The following NFATC2 variants were observed in gnomAD, a reference collection of about 807,000 sequenced individuals.
The protein encoded by NFATC2 is nuclear factor of activated T cells 2.
NFATC2 carries 22 observed loss-of-function variants against 87.3 expected under a neutral mutation model. The ratio of observed to expected loss-of-function variants is 0.25; its 90% CI spans 0.18 to 0.36. The LOEUF (loss-of-function observed/expected upper bound fraction) is 0.36. NFATC2 is among the 10% of genes least tolerant of loss of function. The pLI, the probability that NFATC2 is intolerant of heterozygous loss-of-function variation, is 1.00. For synonymous variants in NFATC2, 565 were observed against 542.2 expected, an observed-to-expected ratio of 1.04 and a Z score of -0.58; for missense variants, 1,149 against 1,259.1, an observed-to-expected ratio of 0.91 and a Z score of 1.32.
intron 3 of NFATC2, among the ~76,000 whole-genome samples, chr20:51,514,377 T>C (rs1032208970): frequency 6.6e-6 from 1 of 152,244 alleles, no homozygotes; most frequent in African/African-American, 2.4e-5. Context: ...CAAGTATTTG[T>C]TGAGTGCCTG....
chr20:51,474,274 T>G (rs1482746882), intron 4 of NFATC2, 122 bp from the exon 5 acceptor site: 2 of 1,173,922 alleles, frequency 1.7e-6, no homozygotes, highest in Non-Finnish European at 2.4e-6. Context: ...ACATAAGCAT[T>G]TCAGCCAGGA....
chr20:51,519,922 A>G (rs545549309), intron 2 of NFATC2, among the ~76,000 whole-genome samples: 1 of 152,072 alleles, frequency 6.6e-6, no homozygotes, highest in East Asian at 1.9e-4. Flanking sequence ...TCTAAAAAAA[A>G]AAAAAAAAGA....
intron 1 of NFATC2, among the ~76,000 whole-genome samples, chr20:51,527,321 A>G (rs1169064510): frequency 6.6e-6 from 1 of 152,098 alleles, no homozygotes; most frequent in Non-Finnish European, 1.5e-5. Flanking sequence ...ACAGGACTAA[A>G]GCCCATTCAT....
At chr20:51,536,602 G>C (rs984041546) in intron 1 of NFATC2, among the ~76,000 whole-genome samples, 3 of 152,158 alleles carry the variant, frequency 2.0e-5, no homozygotes, top group Non-Finnish European at 4.4e-5. Flanking sequence ...CTCTACTCCT[G>C]ATCAAAATCT....
chr20:51,494,878 T>A (rs1202450477), intron 3 of NFATC2, among the ~76,000 whole-genome samples: 1 of 151,918 alleles, frequency 6.6e-6, no homozygotes, highest in Non-Finnish European at 1.5e-5. Flanking sequence ...ACTACCAAGG[T>A]GATGGTCACA....
At chr20:51,555,099 C>T (rs1031380323) in intron 1 of NFATC2, among the ~76,000 whole-genome samples, 11 of 152,184 alleles carry the variant, frequency 7.2e-5, no homozygotes, top group African/African-American at 2.7e-4. Context: ...CTGGCCCCAG[C>T]CATCTTCATC....
intron 9 of NFATC2, 64 bp from the exon 10 acceptor site, chr20:51,398,794 C>T (rs967615701): frequency 4.6e-5 from 52 of 1,123,846 alleles, no homozygotes; most frequent in Middle Eastern, 2.0e-4. Flanking sequence ...ATCTCTCTTA[C>T]GCTTCCAACT....
At chr20:51,467,701 A>G (rs993338664) in intron 5 of NFATC2, among the ~76,000 whole-genome samples, 1 of 152,352 alleles carries the variant, frequency 6.6e-6, no homozygotes, top group Admixed American at 6.5e-5. Context: ...TGACAATACC[A>G]AATATTGGTG....
At position 51,432,470 on chromosome 20, in the gene NFATC2, G is replaced by T; in HGVS notation, c.2319C>A (p.Ala773=). The change falls in exon 9 of 11, where the codon GCC becomes GCA. Residue 773 remains alanine (A), a synonymous_variant. Coordinates refer to ENST00000371564, the MANE Select transcript of NFATC2 (RefSeq NM_012340.5). The surrounding 1 kb of genome is among the most constrained non-coding windows in gnomAD (Gnocchi z 4.6). Reference sequence around the variant, plus strand: ...GGTGAGCGTCCGCAAGGGACAGCGGGGCGGCCATGAGGGCCGGCTGCTGAT... The same window carrying T: ...GGTGAGCGTCCGCAAGGGACAGCGGTGCGGCCATGAGGGCCGGCTGCTGAT... ...LGYQQPALMA[A]PLSLADAHRS... 6.4e-7 allele frequency: 1 copy of T among 1,557,350 alleles called. No homozygotes were observed. The highest frequency in any genetic ancestry group is 8.7e-7 in the Non-Finnish European group (1 of 1,151,324).
chr20:51,523,257 G>A lies in NFATC2; in HGVS notation c.984C>T (p.Asp328=), dbSNP rs764095016. The change falls in exon 2 of 11, where the codon GAC becomes GAT. Residue 328 remains aspartate, a synonymous_variant. Coordinates refer to ENST00000371564, the MANE Select transcript of NFATC2 (RefSeq NM_012340.5). The surrounding 1 kb of genome is among the most constrained non-coding windows in gnomAD (Gnocchi z 6.9). ...ATGGGGCGGCAGACACCGGCGAGGG[G>A]TCAGGGCTGGTCTTCCACATCTTGG... The part of the protein sequence containing the change: ...IPPKMWKTSP[D]PSPVSAAPSK... 1.2e-6 allele frequency: 2 copies of A among 1,613,812 alleles called. No individual in the cohort carries two copies. Among genetic ancestry groups the A allele is most frequent in the South Asian group, 2.2e-5 (2 of 91,062 alleles).
chr20:51,492,600 C>T (rs1033001640), intron 3 of NFATC2, among the ~76,000 whole-genome samples: 3 of 152,196 alleles, frequency 2.0e-5, no homozygotes, highest in East Asian at 3.9e-4. Context: ...GGGGACTGTG[C>T]GGGGCCCTCT....
At chr20:51,487,016 G>A (rs935858718) in intron 3 of NFATC2, among the ~76,000 whole-genome samples, 1 of 152,230 alleles carries the variant, frequency 6.6e-6, no homozygotes, top group Admixed American at 6.5e-5. Context: ...GAAAAGTGAG[G>A]CATGCGCAGT....
chr20:51,542,750 G>GGC (rs1555819091), upstream of NFATC2: 2 of 567,880 alleles, frequency 3.5e-6, no homozygotes, highest in South Asian at 7.8e-5. Flanking sequence ...CCGGGGAGGC[G>GGC]GGGGGGGGGG....
chr20:51,446,001 A>G (rs1365955028), intron 6 of NFATC2, among the ~76,000 whole-genome samples: 1 of 152,144 alleles, frequency 6.6e-6, no homozygotes, highest in Admixed American at 6.5e-5. Context: ...ACAGCCAGCT[A>G]CTCTGGGAAC....
At chr20:51,400,661 ATTCAAC>A (rs1987931482) in intron 9 of NFATC2, among the ~76,000 whole-genome samples, 1 of 152,128 alleles carries the variant, frequency 6.6e-6, no homozygotes. Context: ...GCCTGTCTTC[ATTCAAC>A]TGAGGCCCGA....
At chr20:51,468,155 G>A (rs1987863272) in intron 5 of NFATC2, among the ~76,000 whole-genome samples, 1 of 152,218 alleles carries the variant, frequency 6.6e-6, no homozygotes, top group Admixed American at 6.5e-5. Context: ...CTGCCTCCGT[G>A]TGTGGGCTTG....
chr20:51,516,319 G>T (rs1600922826), intron 3 of NFATC2, among the ~76,000 whole-genome samples: 1 of 152,208 alleles, frequency 6.6e-6, no homozygotes, highest in Middle Eastern at 3.4e-3. Context: ...TTTGTGAATA[G>T]AAAAAAGAAA....
chr20:51,408,253 C>T (rs1222464930), intron 9 of NFATC2, among the ~76,000 whole-genome samples: 1 of 152,158 alleles, frequency 6.6e-6, no homozygotes, highest in Non-Finnish European at 1.5e-5. Context: ...GTGGCTCACG[C>T]CTGTAATCCC....
chr20:51,510,505 T>G (rs1380716979), intron 3 of NFATC2, among the ~76,000 whole-genome samples: 1 of 152,190 alleles, frequency 6.6e-6, no homozygotes, highest in African/African-American at 2.4e-5. Context: ...ATCAAGTGGT[T>G]CCCCTTTTCA....
Sources: gnomAD v4.1 joint callset for allele counts (sites outside exome capture counted in the v4.1 genomes callset) on GRCh38, gnomAD v4.1.1 for gene constraint, Gnocchi (gnomAD v3.1) non-coding constraint, MANE v1.5 for transcripts, NCBI Gene and HGNC (gene_info 2026-07-23, HGNC 2026-07-21) for gene names.